The following KCNQ5 variants were observed in gnomAD, a reference collection of about 807,000 sequenced individuals.
KCNQ5 encodes potassium voltage-gated channel subfamily Q member 5.
KCNQ5 carries 30 observed loss-of-function variants against 98.2 expected under a neutral mutation model. The observed-to-expected ratio is 0.31, with a 90% CI of 0.23 to 0.41. The LOEUF (loss-of-function observed/expected upper bound fraction) is 0.41. Ranked by LOEUF, KCNQ5 falls within the 10% of genes least tolerant of loss-of-function variation. The pLI, the probability that KCNQ5 is intolerant of heterozygous loss-of-function variation, is 1.00. For synonymous variants in KCNQ5, 458 were observed against 449.4 expected, an observed-to-expected ratio of 1.02 and a Z score of -0.24; for missense variants, 835 against 1,182.5, an observed-to-expected ratio of 0.71 and a Z score of 4.31.
At chr6:72,870,156 A>C (rs1477824553) in intron 1 of KCNQ5, among the ~76,000 whole-genome samples, 1 of 152,238 alleles carries the variant, frequency 6.6e-6, no homozygotes, top group African/African-American at 2.4e-5. Context: ...ATTACATTGT[A>C]TAATCAGATA....
At chr6:73,015,691 T>C (rs1770301736) in intron 2 of KCNQ5, among the ~76,000 whole-genome samples, 1 of 152,122 alleles carries the variant, frequency 6.6e-6, no homozygotes, top group South Asian at 2.1e-4. Context: ...TTATGCCCTT[T>C]TGAGCTTCAC....
At chr6:72,979,611 T>A (rs1768334038) in intron 1 of KCNQ5, among the ~76,000 whole-genome samples, 2 of 152,238 alleles carry the variant, frequency 1.3e-5, no homozygotes, top group Non-Finnish European at 2.9e-5. Context: ...AAAAATTTTC[T>A]CCCATTCTGT....
chr6:72,784,458 T>C (rs1773638069), intron 1 of KCNQ5, among the ~76,000 whole-genome samples: 1 of 152,294 alleles, frequency 6.6e-6, no homozygotes, highest in African/African-American at 2.4e-5. Flanking sequence ...AAACAATAGT[T>C]ACTCTATGAG....
At chr6:73,129,881 T>C in intron 9 of KCNQ5, 2 of 1,585,110 alleles carry the variant, frequency 1.3e-6, no homozygotes, top group Non-Finnish European at 1.7e-6. Flanking sequence ...GACATGAGAT[T>C]TGAGAATGCC....
chr6:72,675,011 A>G (rs552557183), intron 1 of KCNQ5, among the ~76,000 whole-genome samples: 9 of 152,148 alleles, frequency 5.9e-5, no homozygotes, highest in Admixed American at 2.6e-4. Flanking sequence ...GTAGAAAGTT[A>G]TTTGCTAAGT....
chr6:72,700,643 A>C (rs1045837939), intron 1 of KCNQ5, among the ~76,000 whole-genome samples: 1 of 152,238 alleles, frequency 6.6e-6, no homozygotes. Flanking sequence ...AGCAGATACA[A>C]GATTATTCCT....
intron 1 of KCNQ5, among the ~76,000 whole-genome samples, chr6:72,849,658 C>G (rs1777165449): frequency 6.6e-6 from 1 of 152,084 alleles, no homozygotes; most frequent in African/African-American, 2.4e-5. Context: ...ATAAAAAATT[C>G]CAGCAATTTA....
rs1776321898 is a variant in KCNQ5, at chr6:73,133,463, C to G, written c.1290C>G (p.Pro430=). 1 of 1,614,026 alleles carries G rather than the reference C, an allele frequency of 6.2e-7. No individual in the cohort carries two copies. Among genetic ancestry groups the G allele is most frequent in the African/African-American group, 1.3e-5 (1 of 74,904 alleles). Residue 430 remains proline (P), a synonymous_variant, in exon 10 of 14, where the codon CCC becomes CCG. Coordinates refer to ENST00000370398, the MANE Select transcript of KCNQ5 (RefSeq NM_019842.4). The stretch of plus-strand genomic sequence containing the variant: ...AGGAGCGAGTGCGCATGGCTAGCCC[C>G]AGGGGCCAGAGTATTAAGAGCCGAC... ...SFKERVRMAS[P]RGQSIKSRQA...
intron 1 of KCNQ5, among the ~76,000 whole-genome samples, chr6:72,854,749 C>T (rs1777449165): frequency 1.0e-5 from 1 of 95,372 alleles, no homozygotes; most frequent in African/African-American, 3.7e-5. Context: ...CACACACACA[C>T]ACCATGGTTT....
rs574487372 is a variant in KCNQ5 at position 72,894,116 on chromosome 6, C to T, written c.399-109792C>T. ...TCTCAAACACTGAAATCTAAACAAC[C>T]ATTCTGCAAGAGCAGCTTTTCTGGG... On this transcript the variant is annotated intron_variant, in intron 1 of 13. Coordinates refer to ENST00000370398, the MANE Select transcript of KCNQ5 (RefSeq NM_019842.4). Among the ~76,000 whole-genome samples, 4 of 152,266 alleles carry T rather than the reference C, an allele frequency of 2.6e-5. No homozygotes were observed. In the South Asian group the frequency reaches 6.2e-4, roughly 24 times the overall value.
At chr6:72,786,864 G>A (rs2154478069) in intron 1 of KCNQ5, among the ~76,000 whole-genome samples, 1 of 151,852 alleles carries the variant, frequency 6.6e-6, no homozygotes, top group South Asian at 2.1e-4. Flanking sequence ...AAATTAGCCG[G>A]GCGTGGTGGC....
At chr6:72,896,431 TAA>T (rs541011612) in intron 1 of KCNQ5, among the ~76,000 whole-genome samples, 3 of 145,156 alleles carry the variant, frequency 2.1e-5, no homozygotes, top group Admixed American at 6.9e-5. Context: ...TATCTACTTG[TAA>T]AAAAAAAAAA....
intron 1 of KCNQ5, among the ~76,000 whole-genome samples, chr6:72,684,598 G>A (rs1402220860): frequency 1.3e-5 from 2 of 152,130 alleles, no homozygotes; most frequent in Non-Finnish European, 2.9e-5. Flanking sequence ...AGGTACAATG[G>A]TCTGTCAATC....
intron 1 of KCNQ5, among the ~76,000 whole-genome samples, chr6:72,811,035 T>G (rs1192475364): frequency 6.6e-6 from 1 of 152,222 alleles, no homozygotes; most frequent in Non-Finnish European, 1.5e-5. Context: ...GGAAAATGTC[T>G]TCTTGCCTAA....
At chr6:72,646,361 A>T (rs1289007292) in intron 1 of KCNQ5, among the ~76,000 whole-genome samples, 1 of 152,194 alleles carries the variant, frequency 6.6e-6, no homozygotes, top group Non-Finnish European at 1.5e-5. Flanking sequence ...AGTTTATTTT[A>T]AAAATAAATT....
chr6:72,951,527 AC>A (rs11293462), intron 1 of KCNQ5, among the ~76,000 whole-genome samples: 93,688 of 149,956 alleles, frequency 0.62, 30,678 homozygotes, highest in Non-Finnish European at 0.73. Flanking sequence ...CAGGTGATCC[AC>A]CCCCTTGGCC....
chr6:72,622,649 G>C lies in KCNQ5; in HGVS notation c.398+62G>C. 1.3e-6 allele frequency: 2 copies of C among 1,576,782 alleles called. No homozygotes were observed. Among genetic ancestry groups the C allele is most frequent in the East Asian group, 4.6e-5 (2 of 43,630 alleles). On this transcript the variant is annotated intron_variant, in intron 1 of 13. Transcript: ENST00000370398. This position sits in a 1 kb window ranked among gnomAD's most constrained non-coding sequence, Gnocchi z 6.0. ...GGACCACTGTCCCTGGCCCCCTGGG[G>C]CGTGCTCCGCGCTCGCGCCCTTGGG...
chr6:73,122,540 C>G (rs976051078), intron 8 of KCNQ5, among the ~76,000 whole-genome samples: 5 of 152,172 alleles, frequency 3.3e-5, no homozygotes, highest in African/African-American at 1.2e-4. Context: ...CCTGCAAACT[C>G]ATGAACCATG....
Position 73,195,374 on chromosome 6 carries a change from G to A in KCNQ5, c.2759G>A (p.Ser920Asn). Residue 920 changes from serine (S) to asparagine (N), a missense_variant, in exon 14 of 14, where the codon AGT (serine) becomes AAT (asparagine). By Grantham distance (46) the Ser-to-Asn change is conservative. Around this residue, in one of 10 missense-constraint regions of KCNQ5, gnomAD observed 416 missense variants for 446.9 expected, o/e 0.93. Transcript: ENST00000370398. The part of the protein sequence containing the change: ...SSQSICKAGE[S>N]TDALSLPHVK... ...CAGAGCATTTGTAAGGCAGGAGAAA[G>A]TACAGATGCCCTCAGCTTGCCTCAT... 2 of 1,614,016 alleles carry A rather than the reference G, an allele frequency of 1.2e-6. No individual in the cohort carries two copies. The highest frequency in any genetic ancestry group is 1.7e-6 in the Non-Finnish European group (2 of 1,179,920).
Sources: gnomAD v4.1 joint callset for allele counts (sites outside exome capture counted in the v4.1 genomes callset) on GRCh38, gnomAD v4.1.1 for gene constraint, gnomAD v4.1.1 regional missense constraint, Gnocchi (gnomAD v3.1) non-coding constraint, MANE v1.5 for transcripts, NCBI Gene and HGNC (gene_info 2026-07-23, HGNC 2026-07-21) for gene names.